The following ACACB variants were observed in gnomAD, a reference collection of about 807,000 sequenced individuals.
The protein encoded by ACACB is acetyl-CoA carboxylase beta, also known as acetyl-CoA carboxylase 2.
In ACACB, 209 loss-of-function variants were observed where a neutral mutation model predicts 278.8. The observed-to-expected ratio is 0.75, with a 90% CI of 0.67 to 0.84. The LOEUF is 0.84. Among genes scored for constraint, ACACB ranks in the 40% least tolerant of loss-of-function variants. The pLI, the probability that ACACB is intolerant of heterozygous loss-of-function variation, is 0.00. For synonymous variants in ACACB, 1,174 were observed against 1,285.6 expected (o/e 0.91, Z 1.86); for missense variants, 2,850 against 3,269.0 (o/e 0.87, Z 3.13).
At chr12:109,220,831 A>G (rs1205499107) in intron 24 of ACACB, among the ~76,000 whole-genome samples, 1 of 152,204 alleles carries the variant, frequency 6.6e-6, no homozygotes, top group East Asian at 1.9e-4. Flanking sequence ...CAGGGATTAC[A>G]GGCCTGAGCC....
At chr12:109,186,687 C>G (rs527973579) in intron 12 of ACACB, among the ~76,000 whole-genome samples, 1 of 152,152 alleles carries the variant, frequency 6.6e-6, no homozygotes, top group South Asian at 2.1e-4. Flanking sequence ...GAGGGTACAC[C>G]TCCACCCCTT....
intron 2 of ACACB, among the ~76,000 whole-genome samples, chr12:109,159,003 T>C (rs575830081): frequency 2.2e-4 from 33 of 151,578 alleles, no homozygotes; most frequent in African/African-American, 7.5e-4. Context: ...CAAAAAACAA[T>C]CTAAAAAGTT....
chr12:109,181,577 A>T (rs2044473314), intron 11 of ACACB, among the ~76,000 whole-genome samples: 1 of 152,124 alleles, frequency 6.6e-6, no homozygotes, highest in African/African-American at 2.4e-5. Flanking sequence ...ATTTAGGTTG[A>T]TTCCAAATCT....
At chr12:109,221,793 G>A (rs559294491) in intron 24 of ACACB, among the ~76,000 whole-genome samples, 55 of 152,180 alleles carry the variant, frequency 3.6e-4, no homozygotes, top group African/African-American at 1.3e-3. Flanking sequence ...TCTTCGTGGG[G>A]GTGGGAGAAT....
At chr12:109,176,929 A>G (rs1435857378) in intron 9 of ACACB, among the ~76,000 whole-genome samples, 1 of 152,184 alleles carries the variant, frequency 6.6e-6, no homozygotes, top group African/African-American at 2.4e-5. Context: ...ATCAATTTTA[A>G]CTGTAGGAAC....
intron 21 of ACACB, among the ~76,000 whole-genome samples, chr12:109,210,039 ATG>A (rs1359849903): frequency 8.3e-6 from 1 of 119,848 alleles, no homozygotes; most frequent in Non-Finnish European, 1.8e-5. Context: ...ATATGTGTAT[ATG>A]TGTATATATA....
chr12:109,196,955 G>T (rs1367718993), intron 16 of ACACB, 53 bp from the exon 17 acceptor site: 2 of 1,492,008 alleles, frequency 1.3e-6, no homozygotes, highest in African/African-American at 1.5e-5. Context: ...GCCCAGCAGT[G>T]CTCTGGGAGC....
rs1362672345 is a variant in ACACB at position 109,266,286 on chromosome 12, G to A, written c.7301G>A (p.Ser2434Asn). The A allele has an allele frequency of 6.2e-7, 1 of 1,613,788 alleles. No individual in the cohort carries two copies. The highest frequency in any genetic ancestry group is 8.5e-7 in the Non-Finnish European group (1 of 1,179,986). The change falls in exon 53 of 53, where the codon AGC becomes AAC. Residue 2434 changes from serine to asparagine, a missense_variant. This residue lies in a region of ACACB where 579 missense variants were observed against 684.6 expected (regional missense o/e 0.85). Coordinates refer to ENST00000338432, the MANE Select transcript of ACACB (RefSeq NM_001093.4). The part of the protein sequence containing the change: ...EVAVDCVIYL[S>N]QHISPAERAQ... ...GCCGTGGACTGTGTGATATACCTGA[G>A]CCAGCACATCAGCCCAGCTGAGCGG...
Position 109,267,202 on chromosome 12 carries a change from AG to A in ACACB, c.*841del, listed in dbSNP as rs1244743299. On this transcript the variant is annotated 3_prime_UTR_variant, in exon 53 of 53. Transcript: ENST00000338432. ...AGCCAGATGATTTTTTTATTGAGAG[AG>A]TGAAATGCTATTTTGTTCCCCAAAT... 6.6e-6 allele frequency: 1 copy of A among 151,986 alleles called. No homozygotes were observed. The highest frequency in any genetic ancestry group is 1.5e-5 in the Non-Finnish European group (1 of 68,012). The allele number at this position is 151,986 out of a possible 1,614,324, so 9.4% of individuals were successfully genotyped here.
intron 28 of ACACB, among the ~76,000 whole-genome samples, chr12:109,229,882 T>C (rs1006715078): frequency 1.3e-5 from 2 of 152,194 alleles, no homozygotes; most frequent in Non-Finnish European, 1.5e-5. Context: ...TTTTTTTCAG[T>C]CCATCTTGTT....
intron 49 of ACACB, chr12:109,263,698 T>G (rs1462922310): frequency 1.3e-5 from 2 of 152,266 alleles, no homozygotes; most frequent in Non-Finnish European, 2.9e-5. Flanking sequence ...TAAATTCAAC[T>G]TCTTTGTTAT....
chr12:109,264,503 G>A, intron 50 of ACACB, 117 bp downstream of exon 50: 1 of 1,330,058 alleles, frequency 7.5e-7, no homozygotes, highest in Non-Finnish European at 1.0e-6. Context: ...GTCAAATGCT[G>A]CAGGAGGTGG....
At chr12:109,184,946 A>G (rs919921098) in intron 11 of ACACB, among the ~76,000 whole-genome samples, 1 of 152,084 alleles carries the variant, frequency 6.6e-6, no homozygotes. Context: ...TCCTAGGCTC[A>G]AGCGATCTGC....
At chr12:109,228,378 C>T (rs1565948047) in intron 28 of ACACB, among the ~76,000 whole-genome samples, 1 of 150,244 alleles carries the variant, frequency 6.7e-6, no homozygotes, top group Non-Finnish European at 1.5e-5. Context: ...AATGAGCCAG[C>T]CATGGTGGCC....
chr12:109,139,031 C>T (rs1325393119), intron 1 of ACACB, among the ~76,000 whole-genome samples: 1 of 152,212 alleles, frequency 6.6e-6, no homozygotes, highest in Non-Finnish European at 1.5e-5. Context: ...CACTCTGTAG[C>T]CATCATCCCC....
chr12:109,264,516 G>A, intron 50 of ACACB, 130 bp downstream of exon 50: 3 of 1,198,420 alleles, frequency 2.5e-6, no homozygotes, highest in East Asian at 2.5e-5. Context: ...GGAGGTGGGA[G>A]TCACCTGGGA....
At chr12:109,187,735 C>T (rs2044712805) in intron 12 of ACACB, among the ~76,000 whole-genome samples, 2 of 151,970 alleles carry the variant, frequency 1.3e-5, no homozygotes, top group Admixed American at 6.6e-5. Flanking sequence ...GCTGGGATTA[C>T]AGACATGAGC....
chr12:109,188,884 A>G (rs554329980), intron 13 of ACACB, among the ~76,000 whole-genome samples: 31 of 152,306 alleles, frequency 2.0e-4, no homozygotes, highest in African/African-American at 7.0e-4. Context: ...CTTTACATTT[A>G]AACCTTATCA....
At chr12:109,176,909 G>A (rs11065745) in intron 9 of ACACB, among the ~76,000 whole-genome samples, 8,937 of 152,232 alleles carry the variant, frequency 0.059, 317 homozygotes, top group Non-Finnish European at 0.073. Context: ...GATCCGCTGC[G>A]CCCTGCCTGA....
Sources: gnomAD v4.1 joint callset for allele counts (sites outside exome capture counted in the v4.1 genomes callset) on GRCh38, gnomAD v4.1.1 for gene constraint, gnomAD v4.1.1 regional missense constraint, MANE v1.5 for transcripts, NCBI Gene and HGNC (gene_info 2026-07-23, HGNC 2026-07-21) for gene names.